The following ZFYVE16 variants were observed in gnomAD, a reference collection of about 807,000 sequenced individuals.
ZFYVE16 encodes the protein zinc finger FYVE-type containing 16.
A neutral mutation model predicts 138.1 loss-of-function variants in ZFYVE16; 89 were observed. The ratio of observed to expected loss-of-function variants is 0.64; its 90% CI spans 0.54 to 0.77. The LOEUF (loss-of-function observed/expected upper bound fraction) is 0.77, where lower values mean the gene tolerates loss of function less well. ZFYVE16 is among the 30% of genes least tolerant of loss of function. The pLI is 0.00. For missense variants in ZFYVE16, 1,793 were observed against 1,786.7 expected (o/e 1.00, Z -0.06); for synonymous variants, 596 against 618.3 (o/e 0.96, Z 0.53).
intron 5 of ZFYVE16, chr5:80,440,420 G>A (rs1354663575): frequency 3.0e-6 from 3 of 986,710 alleles, no homozygotes; most frequent in East Asian, 2.2e-4. Flanking sequence ...CACAGGGCAA[G>A]ATAATAGTTC....
At chr5:80,441,356 G>A in intron 5 of ZFYVE16, 3 of 985,232 alleles carry the variant, frequency 3.0e-6, no homozygotes. Flanking sequence ...ATCAAGCTTT[G>A]GTTTATCAAA....
chr5:80,421,535 C>T (rs1205582143), intron 1 of ZFYVE16, among the ~76,000 whole-genome samples: 1 of 152,182 alleles, frequency 6.6e-6, no homozygotes, highest in Non-Finnish European at 1.5e-5. Flanking sequence ...TTCCCAGCAC[C>T]ATTTATTAAA....
In ZFYVE16 at chr5:80,444,667, C is replaced by T. The variant is rs576997551; in HGVS notation, c.2582-596C>T. Among the ~76,000 whole-genome samples, 184 of 151,690 alleles carry T rather than the reference C, an allele frequency of 1.2e-3. 1 individual carries two copies. Among genetic ancestry groups the T allele is most frequent in the African/African-American group, 4.1e-3 (170 of 41,394 alleles). On this transcript the variant is annotated intron_variant, in intron 6 of 18. Coordinates refer to ENST00000505560, the MANE Select transcript of ZFYVE16 (RefSeq NM_001284236.3). ...CTTGTTAAATAAAAGAAAGAAATGT[C>T]CTGTGGTAGTAAGAAATGTCCTGTG... is the stretch of plus-strand genomic sequence containing the variant.
intron 8 of ZFYVE16, 34 bp from the exon 9 acceptor site, chr5:80,449,553 ATATT>A: frequency 6.3e-7 from 1 of 1,576,984 alleles, no homozygotes; most frequent in Admixed American, 2.0e-5. Context: ...ATTTAACAGG[ATATT>A]TATCCTGATT....
rs1382711925 is a variant in ZFYVE16 at position 80,449,689 on chromosome 5, C to G, written c.3202C>G (p.Leu1068Val). Reference sequence around the variant, plus strand: ...TACATTTGTCCTAAATGCTAATCTACTCGTGAATGTCAAATTCATATTTTG... The same window carrying G: ...TACATTTGTCCTAAATGCTAATCTAGTCGTGAATGTCAAATTCATATTTTG... ...PVTFVLNANL[L>V]VNVKFIFYSS... Residue 1068 changes from leucine (L) to valine (V), a missense_variant, in exon 9 of 19, where the codon CTC (leucine) becomes GTC (valine). Coordinates refer to ENST00000505560, the MANE Select transcript of ZFYVE16 (RefSeq NM_001284236.3). 3 of 1,599,300 alleles carry G rather than the reference C, an allele frequency of 1.9e-6. No homozygotes were observed. The highest frequency in any genetic ancestry group is 1.1e-5 in the South Asian group (1 of 87,880).
intron 1 of ZFYVE16, among the ~76,000 whole-genome samples, chr5:80,427,074 G>T (rs1449691790): frequency 6.6e-6 from 1 of 151,522 alleles, no homozygotes; most frequent in African/African-American, 2.4e-5. Context: ...CTGGAGAATG[G>T]GGTCTCGCTA....
rs181000966 is a variant in ZFYVE16 at position 80,471,682 on chromosome 5, C to T, written c.4025-1079C>T. ...CTGATCTGCCTAGGAACAAAGAGAG[C>T]GCCCCGTTGCATTGTGGGCTGCTGG... On this transcript the variant is annotated intron_variant, in intron 15 of 18. Coordinates refer to ENST00000505560, the MANE Select transcript of ZFYVE16 (RefSeq NM_001284236.3). Among the ~76,000 whole-genome samples the T allele has an allele frequency of 5.0e-4, 76 of 152,274 alleles. 1 individual carries two copies. Among genetic ancestry groups the T allele is most frequent in the African/African-American group, 1.6e-3 (67 of 41,560 alleles).
intron 15 of ZFYVE16, among the ~76,000 whole-genome samples, chr5:80,463,694 G>A (rs550445203): frequency 6.6e-6 from 1 of 152,234 alleles, no homozygotes; most frequent in South Asian, 2.1e-4. Flanking sequence ...TTTATGCTCT[G>A]CTTCCCTTTT....
At chr5:80,440,086 A>G (rs1175047286) in intron 5 of ZFYVE16, 54 bp downstream of exon 5, 1 of 1,544,554 alleles carries the variant, frequency 6.5e-7, no homozygotes, top group Non-Finnish European at 8.7e-7. Flanking sequence ...TCTTAAAATT[A>G]ATTGGATTGT....
At chr5:80,439,328 T>G (rs948304417) in intron 4 of ZFYVE16, among the ~76,000 whole-genome samples, 1 of 152,206 alleles carries the variant, frequency 6.6e-6, no homozygotes, top group African/African-American at 2.4e-5. Context: ...CCAGATTTGG[T>G]CAGATTCCCC....
intron 1 of ZFYVE16, among the ~76,000 whole-genome samples, chr5:80,413,690 A>G (rs530965545): frequency 5.9e-5 from 9 of 152,294 alleles, no homozygotes; most frequent in African/African-American, 1.9e-4. Flanking sequence ...AAGTTAGTTT[A>G]TTACATAAAA....
chr5:80,456,823 C>T (rs1328971393), intron 13 of ZFYVE16, 122 bp from the exon 14 acceptor site: 2 of 1,182,290 alleles, frequency 1.7e-6, no homozygotes, highest in Non-Finnish European at 2.3e-6. Context: ...ATCACATTCC[C>T]AGGGAGCTGT....
intron 2 of ZFYVE16, among the ~76,000 whole-genome samples, chr5:80,430,131 T>G (rs1748773740): frequency 6.6e-6 from 1 of 152,204 alleles, no homozygotes; most frequent in Non-Finnish European, 1.5e-5. Context: ...ATCAACAGAA[T>G]ATACATTCTT....
intron 1 of ZFYVE16, among the ~76,000 whole-genome samples, chr5:80,427,254 C>T (rs1224416459): frequency 1.3e-5 from 2 of 151,962 alleles, no homozygotes; most frequent in Non-Finnish European, 2.9e-5. Flanking sequence ...GATTTTTTTC[C>T]TTTAATTGAT....
At chr5:80,455,641 ATTTGGGG>A (rs752382247) in intron 11 of ZFYVE16, 44 bp from the exon 12 acceptor site, 11 of 1,399,694 alleles carry the variant, frequency 7.9e-6, no homozygotes, top group Non-Finnish European at 1.1e-5. Context: ...AAATTCAATA[ATTTGGGG>A]TTTTTTTTGT....
At position 80,448,034 on chromosome 5, in the gene ZFYVE16, C is replaced by T; in HGVS notation, c.2733C>T (p.Asn911=). ...TATTACATATTTTACAGACAGTAAA[C>T]ACAGTGGATCATTCCCATTCTACTA... ...PLSPDVPMTV[N]TVDHSHSTTV... is the part of the protein sequence containing the mutation. Residue 911 remains asparagine (N), a synonymous_variant, in exon 8 of 19, where the codon AAC becomes AAT. Coordinates refer to ENST00000505560, the MANE Select transcript of ZFYVE16 (RefSeq NM_001284236.3). The T allele has an allele frequency of 6.3e-7, 1 of 1,596,676 alleles. No homozygotes were observed. The highest frequency in any genetic ancestry group is 1.1e-5 in the South Asian group (1 of 87,484).
rs372741491 is a variant in ZFYVE16 at position 80,442,295 on chromosome 5, C to T, written c.2420-828C>T. Among the ~76,000 whole-genome samples, 27 of 152,050 alleles carry T rather than the reference C, an allele frequency of 1.8e-4. No homozygotes were observed. The South Asian group carries it at 3.7e-3, about 21-fold the overall frequency. ...ATTTTTTGTATTTATGGTAGAGATG[C>T]GGTTTCACCATGTTGCCCAGGCTGG... On this transcript the variant is annotated intron_variant, in intron 5 of 18. Transcript: ENST00000505560.
rs151035516 is a variant in ZFYVE16 at position 80,448,620 on chromosome 5, G to A, written c.3103+216G>A. ...TTATCACATCTGGCCCACTAATTTCGAATGATTAAGTCTATGAGGGAAGCT... is the reference window on the plus strand; with the variant it reads ...TTATCACATCTGGCCCACTAATTTCAAATGATTAAGTCTATGAGGGAAGCT... On this transcript the variant is annotated intron_variant, in intron 8 of 18. Transcript: ENST00000505560. 6.1e-3 allele frequency among the ~76,000 whole-genome samples: 932 copies of A among 151,990 alleles called. 1 individual carries two copies. Among genetic ancestry groups the A allele is most frequent in the Non-Finnish European group, 8.5e-3 (576 of 67,954 alleles).
intron 7 of ZFYVE16, among the ~76,000 whole-genome samples, chr5:80,447,738 G>C (rs952731827): frequency 6.6e-6 from 1 of 152,144 alleles, no homozygotes; most frequent in African/African-American, 2.4e-5. Context: ...ATGGGATCTT[G>C]AAGTTCTTCT....
Sources: gnomAD v4.1 joint callset for allele counts (sites outside exome capture counted in the v4.1 genomes callset) on GRCh38, gnomAD v4.1.1 for gene constraint, MANE v1.5 for transcripts, NCBI Gene and HGNC (gene_info 2026-07-23, HGNC 2026-07-21) for gene names.